CDH18: variants seen among roughly 807,000 people sequenced by gnomAD.
CDH18 encodes the protein cadherin-18.
A neutral mutation model predicts 67.9 loss-of-function variants in CDH18; 31 were observed. That is an observed-to-expected ratio of 0.46 (90% CI 0.34 to 0.62). CDH18 has a LOEUF of 0.62. Ranked by LOEUF, CDH18 falls within the 20% of genes least tolerant of loss-of-function variation. The probability of loss-of-function intolerance (pLI) is 0.01; values close to 1 mark genes in which losing one functional copy is unlikely to be tolerated. For synonymous variants in CDH18, 362 were observed against 347.2 expected, an observed-to-expected ratio of 1.04 and a Z score of -0.48; for missense variants, 890 against 975.5, an observed-to-expected ratio of 0.91 and a Z score of 1.17.
intron 2 of CDH18, among the ~76,000 whole-genome samples, chr5:20,122,732 G>A (rs929845570): frequency 1.9e-4 from 28 of 150,524 alleles, no homozygotes; most frequent in African/African-American, 3.9e-4. Context: ...TACCAAGTAC[G>A]AATGTTTGAC....
intron 3 of CDH18, among the ~76,000 whole-genome samples, chr5:19,823,349 C>A (rs1248064155): frequency 6.6e-6 from 1 of 152,126 alleles, no homozygotes; most frequent in African/African-American, 2.4e-5. Flanking sequence ...TCCATGAAAT[C>A]TTCACAATTT....
chr5:20,473,494 G>A (rs561386194), intron 1 of CDH18, among the ~76,000 whole-genome samples: 7 of 151,952 alleles, frequency 4.6e-5, no homozygotes, highest in South Asian at 2.1e-4. Context: ...TCCTGTCTTC[G>A]ACATTGGATT....
At chr5:19,530,327 A>G (rs1233366661) in intron 9 of CDH18, among the ~76,000 whole-genome samples, 1 of 152,170 alleles carries the variant, frequency 6.6e-6, no homozygotes, top group East Asian at 1.9e-4. Context: ...TAAATATATA[A>G]AACTAATAAA....
chr5:20,299,757 CAA>C (rs368044422), intron 1 of CDH18, among the ~76,000 whole-genome samples: 2 of 107,502 alleles, frequency 1.9e-5, no homozygotes, highest in African/African-American at 7.4e-5. Flanking sequence ...GGCTCTGTCT[CAA>C]AAAAAAAAAA....
chr5:20,489,996 A>G (rs1330422633), intron 1 of CDH18, among the ~76,000 whole-genome samples: 1 of 151,510 alleles, frequency 6.6e-6, no homozygotes, highest in East Asian at 1.9e-4. Flanking sequence ...CATATGCTCC[A>G]TCTTATCTGA....
At chr5:19,555,879 C>T (rs1738320282) in intron 8 of CDH18, among the ~76,000 whole-genome samples, 1 of 152,172 alleles carries the variant, frequency 6.6e-6, no homozygotes, top group African/African-American at 2.4e-5. Flanking sequence ...CTTCACTCCC[C>T]TGCTACCTAT....
chr5:19,738,035 T>C (rs535874649), intron 4 of CDH18, among the ~76,000 whole-genome samples: 2 of 152,108 alleles, frequency 1.3e-5, no homozygotes, highest in Admixed American at 6.5e-5. Flanking sequence ...ATATGATAAA[T>C]ATAGAAAAAA....
rs553795810 is a variant in CDH18 at position 20,508,536 on chromosome 5, T to C, written c.-580+66926A>G. On this transcript the variant is annotated intron_variant, in intron 1 of 14. Coordinates refer to the CDH18 transcript ENST00000507958. The stretch of plus-strand genomic sequence containing the variant: ...AACTGTATAAGAAAATAATTTTTTG[T>C]GGTACACACATTGGGAGATTTTATT... 5.0e-4 allele frequency among the ~76,000 whole-genome samples: 76 copies of C among 151,636 alleles called. 1 individual carries two copies. Among genetic ancestry groups the C allele is most frequent in the South Asian group, 2.3e-3 (11 of 4,810 alleles).
chr5:20,486,248 G>A (rs1179480919), intron 1 of CDH18, among the ~76,000 whole-genome samples: 6 of 152,064 alleles, frequency 3.9e-5, no homozygotes, highest in African/African-American at 1.4e-4. Flanking sequence ...ATTGAAAAGA[G>A]TAAGCGATAT....
At chr5:20,412,169 C>A (rs1237125397) in intron 1 of CDH18, among the ~76,000 whole-genome samples, 3 of 152,136 alleles carry the variant, frequency 2.0e-5, no homozygotes, top group African/African-American at 7.2e-5. Context: ...AACATGGGAC[C>A]AGTACAACAA....
At chr5:19,684,721 G>A (rs1384608391) in intron 5 of CDH18, among the ~76,000 whole-genome samples, 5 of 151,868 alleles carry the variant, frequency 3.3e-5, no homozygotes, top group African/African-American at 7.2e-5. Flanking sequence ...GAAATAAAAA[G>A]TGAATGAAAG....
intron 6 of CDH18, among the ~76,000 whole-genome samples, chr5:19,608,316 T>C (rs350677): frequency 0.73 from 111,112 of 151,408 alleles, 41,023 homozygotes; most frequent in East Asian, 1. Context: ...CCAGATATCA[T>C]TTTCAAAAGA....
chr5:20,093,257 G>C (rs184888705), intron 2 of CDH18, among the ~76,000 whole-genome samples: 6 of 151,236 alleles, frequency 4.0e-5, no homozygotes, highest in African/African-American at 1.5e-4. Flanking sequence ...ACACTCACAC[G>C]AATATATTAA....
At chr5:20,380,430 A>G (rs1477122581) in intron 1 of CDH18, among the ~76,000 whole-genome samples, 4 of 152,188 alleles carry the variant, frequency 2.6e-5, no homozygotes, top group Non-Finnish European at 4.4e-5. Context: ...AAATAATTTC[A>G]TGTATCTTAA....
intron 4 of CDH18, among the ~76,000 whole-genome samples, chr5:19,740,902 A>G (rs902078740): frequency 3.3e-5 from 5 of 152,080 alleles, no homozygotes; most frequent in Non-Finnish European, 7.4e-5. Context: ...AAGTTGGTAA[A>G]GATCAAGACT....
chr5:19,959,501 T>G (rs570989649), intron 2 of CDH18, among the ~76,000 whole-genome samples: 1 of 152,212 alleles, frequency 6.6e-6, no homozygotes, highest in East Asian at 1.9e-4. Context: ...CCATGTTTAA[T>G]TCCAAGAAAA....
At chr5:20,389,889 A>ATTTATT (rs1744683420) in intron 1 of CDH18, among the ~76,000 whole-genome samples, 1 of 152,204 alleles carries the variant, frequency 6.6e-6, no homozygotes, top group Non-Finnish European at 1.5e-5. Flanking sequence ...AAATGGGGAA[A>ATTTATT]CAATTCCCTA....
At chr5:19,655,232 G>A (rs945801876) in intron 5 of CDH18, among the ~76,000 whole-genome samples, 3 of 152,020 alleles carry the variant, frequency 2.0e-5, no homozygotes, top group Admixed American at 6.6e-5. Flanking sequence ...ATGTGTCTAT[G>A]TATATGTACA....
intron 2 of CDH18, among the ~76,000 whole-genome samples, chr5:20,190,362 C>T (rs918522722): frequency 6.6e-6 from 1 of 152,056 alleles, no homozygotes; most frequent in Non-Finnish European, 1.5e-5. Flanking sequence ...CACCAAACTC[C>T]ATGTAATGAA....
Sources: gnomAD v4.1 joint callset for allele counts (sites outside exome capture counted in the v4.1 genomes callset) on GRCh38, gnomAD v4.1.1 for gene constraint, MANE v1.5 for transcripts, NCBI Gene and HGNC (gene_info 2026-07-23, HGNC 2026-07-21) for gene names.